Variants in PKP2 observed in about 807,000 individuals in gnomAD.
The protein encoded by PKP2 is plakophilin 2.
PKP2 carries 73 observed loss-of-function variants against 83.4 expected under a neutral mutation model. That is an observed-to-expected ratio of 0.88 (90% CI 0.72 to 1.06). The LOEUF is 1.06. Ranked by LOEUF, PKP2 falls within the 50% of genes least tolerant of loss-of-function variation. The pLI is 0.00. For missense variants in PKP2, 966 were observed against 1,065.4 expected, an observed-to-expected ratio of 0.91 and a Z score of 1.30; for synonymous variants, 409 against 430.4, an observed-to-expected ratio of 0.95 and a Z score of 0.62.
Position 32,792,427 on chromosome 12 carries a change from G to C in PKP2, c.2511C>G (p.Asp837Glu). The change falls in exon 13 of 13, where the codon GAC becomes GAG. Residue 837 changes from aspartate (D) to glutamate (E), a missense_variant. Asp to Glu is a conservative substitution (Grantham distance 45). Coordinates refer to ENST00000340811, the MANE Select transcript of PKP2 (RefSeq NM_001005242.3). ...RTAKAYHSLK[D>E] is the part of the protein sequence containing the mutation. ...CGAGAATACTTTGTCATTTTCCTCA[G>C]TCTTTAAGGGAGTGGTAGGCTTTGG... 2 of 1,611,746 alleles carry C rather than the reference G, an allele frequency of 1.2e-6. No individual in the cohort carries two copies. Among genetic ancestry groups the C allele is most frequent in the Non-Finnish European group, 1.7e-6 (2 of 1,177,814 alleles).
intron 1 of PKP2, among the ~76,000 whole-genome samples, chr12:32,889,309 C>T (rs1033629399): frequency 6.6e-6 from 1 of 152,188 alleles, no homozygotes; most frequent in Non-Finnish European, 1.5e-5. Flanking sequence ...AATAATTTTA[C>T]TCTTGCAGAT....
At chr12:32,892,117 C>T (rs1957079080) in intron 1 of PKP2, among the ~76,000 whole-genome samples, 1 of 151,940 alleles carries the variant, frequency 6.6e-6, no homozygotes, top group African/African-American at 2.4e-5. Context: ...TTTTTTTTCC[C>T]TTTCCTGATC....
Position 32,878,375 on chromosome 12 carries a change from T to C in PKP2, c.505A>G (p.Ser169Gly), listed in dbSNP as rs139139859. 2,881 of 1,613,992 alleles carry C rather than the reference T, an allele frequency of 1.8e-3. 9 individuals carry two copies. Among genetic ancestry groups the C allele is most frequent in the South Asian group, 2.5e-3 (227 of 91,084 alleles). The change falls in exon 3 of 13, where the codon AGC becomes GGC. Residue 169 changes from serine (S) to glycine (G), a missense_variant. By Grantham distance (56) the Ser-to-Gly change is moderately conservative (BLOSUM62 0). Coordinates refer to ENST00000340811, the MANE Select transcript of PKP2 (RefSeq NM_001005242.3). ...AHYTHSDYQYSQRSQAGHTLH... is the reference protein window; with the variant it reads ...AHYTHSDYQYGQRSQAGHTLH... ...GTGTGCCCAGCCTGGCTTCTCTGGC[T>C]GTACTGGTAATCGCTGTGCGTGTAG...
chr12:32,822,719 A>C, intron 7 of PKP2, 88 bp from the exon 8 acceptor site: 1 of 1,433,912 alleles, frequency 7.0e-7, no homozygotes, highest in South Asian at 1.2e-5. Flanking sequence ...TAGCTCTTAC[A>C]AGGTTTACCA....
chr12:32,814,242 T>G (rs1956301614), intron 9 of PKP2, among the ~76,000 whole-genome samples: 1 of 152,258 alleles, frequency 6.6e-6, no homozygotes, highest in Admixed American at 6.5e-5. Flanking sequence ...CAACATTTGC[T>G]GGAGGCTTTG....
chr12:32,799,116 A>G (rs1299794572), intron 10 of PKP2, among the ~76,000 whole-genome samples: 3 of 152,180 alleles, frequency 2.0e-5, no homozygotes, highest in Admixed American at 1.3e-4. Context: ...TGAATAGACA[A>G]TTCTCAAAAG....
chr12:32,816,443 A>T (rs1444101600), intron 9 of PKP2, among the ~76,000 whole-genome samples: 1 of 152,164 alleles, frequency 6.6e-6, no homozygotes, highest in Non-Finnish European at 1.5e-5. Context: ...GCTGCATATC[A>T]TTGCAGGGTG....
chr12:32,861,274 T>C (rs1956795638), intron 4 of PKP2, among the ~76,000 whole-genome samples: 1 of 152,066 alleles, frequency 6.6e-6, no homozygotes, highest in Non-Finnish European at 1.5e-5. Flanking sequence ...ACACAGATAT[T>C]AGAATTAGCA....
intron 6 of PKP2, among the ~76,000 whole-genome samples, chr12:32,831,480 T>C (rs1363584129): frequency 1.3e-5 from 2 of 152,234 alleles, no homozygotes; most frequent in Non-Finnish European, 2.9e-5. Context: ...GTATTAAAAG[T>C]ATCTGAGAAA....
chr12:32,826,808 T>G (rs1050594499), intron 6 of PKP2, among the ~76,000 whole-genome samples: 2 of 152,236 alleles, frequency 1.3e-5, no homozygotes, highest in African/African-American at 4.8e-5. Flanking sequence ...CCAGTCTCCT[T>G]ATTTTATACA....
At chr12:32,838,482 A>T (rs1291762372) in intron 6 of PKP2, among the ~76,000 whole-genome samples, 3 of 41,010 alleles carry the variant, frequency 7.3e-5, no homozygotes, top group Admixed American at 2.1e-4. Flanking sequence ...ATCGAAAATT[A>T]AAAAAAAAAA....
intron 9 of PKP2, among the ~76,000 whole-genome samples, chr12:32,815,272 G>A (rs1956311144): frequency 1.3e-5 from 2 of 152,266 alleles, no homozygotes; most frequent in South Asian, 4.2e-4. Context: ...CCTTCCGAAT[G>A]ATGTTCAAAC....
At position 32,795,839 on chromosome 12, in the gene PKP2, C is replaced by T. The variant is rs541654778; in HGVS notation, c.2357+270G>A. On this transcript the variant is annotated intron_variant, in intron 11 of 12. Transcript: ENST00000340811. ...GGGAAACTAATTCATTAGGCCAATA[C>T]AATGCTGGAATGCACAACCAAGAGA... Among the ~76,000 whole-genome samples the T allele has an allele frequency of 8.3e-4, 127 of 152,334 alleles. 2 individuals carry two copies. The South Asian group carries it at 0.026, about 31-fold the overall frequency.
At chr12:32,889,407 T>C (rs1398088256) in intron 1 of PKP2, among the ~76,000 whole-genome samples, 1 of 152,168 alleles carries the variant, frequency 6.6e-6, no homozygotes. Flanking sequence ...GGAGAATGGA[T>C]TGGAGTGGGG....
chr12:32,794,003 T>A (rs868638092), intron 11 of PKP2, among the ~76,000 whole-genome samples: 1 of 152,208 alleles, frequency 6.6e-6, no homozygotes, highest in Non-Finnish European at 1.5e-5. Flanking sequence ...CTGATTTTTT[T>A]TCTTAAACAA....
At chr12:32,858,173 G>A (rs189181479) in intron 4 of PKP2, among the ~76,000 whole-genome samples, 267 of 131,948 alleles carry the variant, frequency 2.0e-3, no homozygotes, top group African/African-American at 7.1e-3. Context: ...AAAGCCAGGC[G>A]AGTCCATGCC....
At chr12:32,845,807 T>A (rs1319613536) in intron 5 of PKP2, among the ~76,000 whole-genome samples, 1 of 152,144 alleles carries the variant, frequency 6.6e-6, no homozygotes, top group Non-Finnish European at 1.5e-5. Context: ...AATTTTTTTT[T>A]ATTTATTTAC....
intron 9 of PKP2, among the ~76,000 whole-genome samples, chr12:32,817,528 G>A (rs1956331091): frequency 6.6e-6 from 1 of 152,066 alleles, no homozygotes; most frequent in South Asian, 2.1e-4. Flanking sequence ...ACTTATACAT[G>A]TTGCAAAAAT....
At chr12:32,847,846 G>A (rs1416750226) in intron 5 of PKP2, among the ~76,000 whole-genome samples, 3 of 151,908 alleles carry the variant, frequency 2.0e-5, no homozygotes, top group Non-Finnish European at 4.4e-5. Context: ...TGTCCCTGTA[G>A]TCCCAGCTAC....
Sources: allele counts gnomAD v4.1 joint callset (sites outside exome capture counted in the v4.1 genomes callset), GRCh38; gene constraint gnomAD v4.1.1; transcripts MANE v1.5; gene names NCBI Gene and HGNC (gene_info 2026-07-23, HGNC 2026-07-21).